CNTNAP2: variants seen among roughly 807,000 people sequenced by gnomAD.
CNTNAP2 encodes contactin associated protein 2.
CNTNAP2 carries 98 observed loss-of-function variants against 155.2 expected under a neutral mutation model. The observed-to-expected ratio is 0.63, with a 90% CI of 0.54 to 0.75. CNTNAP2 has a LOEUF of 0.75. Among genes scored for constraint, CNTNAP2 ranks in the 30% least tolerant of loss-of-function variants. The probability of loss-of-function intolerance (pLI) is 0.00; values close to 1 mark genes in which losing one functional copy is unlikely to be tolerated. For synonymous variants in CNTNAP2, 651 were observed against 631.2 expected (o/e 1.03, Z -0.47); for missense variants, 1,727 against 1,688.1 (o/e 1.02, Z -0.40).
chr7:146,686,159 AG>A (rs1474839310), intron 1 of CNTNAP2, among the ~76,000 whole-genome samples: 1 of 152,044 alleles, frequency 6.6e-6, no homozygotes, highest in African/African-American at 2.4e-5. Context: ...AAAATTACCC[AG>A]GAGTGGTGGC....
At chr7:146,499,638 G>C (rs566871078) in intron 1 of CNTNAP2, among the ~76,000 whole-genome samples, 2 of 150,510 alleles carry the variant, frequency 1.3e-5, no homozygotes, top group South Asian at 4.2e-4. Flanking sequence ...TCCCCTCCCT[G>C]TGCCCATATA....
chr7:146,653,846 G>A (rs1258850871), intron 1 of CNTNAP2, among the ~76,000 whole-genome samples: 1 of 152,084 alleles, frequency 6.6e-6, no homozygotes, highest in Non-Finnish European at 1.5e-5. Context: ...CAGAAGAAGA[G>A]AAGGAAGAAG....
chr7:148,036,551 C>T (rs1802577085), intron 15 of CNTNAP2, among the ~76,000 whole-genome samples: 1 of 152,068 alleles, frequency 6.6e-6, no homozygotes, highest in Admixed American at 6.6e-5. Context: ...CAAGAAGGCC[C>T]TCACAAGACA....
chr7:147,627,676 A>G (rs1795008284), intron 12 of CNTNAP2, among the ~76,000 whole-genome samples: 1 of 127,554 alleles, frequency 7.8e-6, no homozygotes, highest in Non-Finnish European at 1.5e-5. Flanking sequence ...TGGGGGACAG[A>G]GCGAGACTCT....
At chr7:147,840,371 C>T (rs13243566) in intron 13 of CNTNAP2, among the ~76,000 whole-genome samples, 10,789 of 151,974 alleles carry the variant, frequency 0.071, 423 homozygotes, top group East Asian at 0.15. Flanking sequence ...AAATATCTCC[C>T]CTGGAATGCA....
At chr7:146,820,781 T>C (rs531560261) in intron 2 of CNTNAP2, among the ~76,000 whole-genome samples, 1 of 152,280 alleles carries the variant, frequency 6.6e-6, no homozygotes, top group African/African-American at 2.4e-5. Flanking sequence ...AAGTCTCCCA[T>C]TATTATTGTG....
chr7:147,425,136 T>A (rs758322472), intron 10 of CNTNAP2, among the ~76,000 whole-genome samples: 2 of 58,450 alleles, frequency 3.4e-5, no homozygotes, highest in Admixed American at 1.9e-4. Context: ...GCAAGTGGAA[T>A]TTTTTTTTTT....
At chr7:147,409,563 A>C (rs1245098041) in intron 10 of CNTNAP2, among the ~76,000 whole-genome samples, 1 of 152,206 alleles carries the variant, frequency 6.6e-6, no homozygotes, top group Non-Finnish European at 1.5e-5. Flanking sequence ...ATGAAATTAA[A>C]CTAAGGATCC....
intron 2 of CNTNAP2, among the ~76,000 whole-genome samples, chr7:146,838,234 C>T (rs1803654441): frequency 6.6e-6 from 1 of 152,174 alleles, no homozygotes; most frequent in Non-Finnish European, 1.5e-5. Context: ...TGGCAGGGCT[C>T]ACCTTATTTG....
intron 1 of CNTNAP2, among the ~76,000 whole-genome samples, chr7:146,265,955 C>A (rs970554869): frequency 9.9e-5 from 15 of 151,716 alleles, no homozygotes; most frequent in Admixed American, 7.9e-4. Flanking sequence ...TTGAGAAGAC[C>A]ATGGAAGCCT....
intron 10 of CNTNAP2, among the ~76,000 whole-genome samples, chr7:147,412,606 C>T (rs13222223): frequency 0.18 from 26,631 of 151,952 alleles, 2,955 homozygotes; most frequent in Non-Finnish European, 0.25. Context: ...GTGCTTGATA[C>T]GCAATATGTT....
chr7:146,641,716 T>C (rs1448328854), intron 1 of CNTNAP2, among the ~76,000 whole-genome samples: 1 of 152,188 alleles, frequency 6.6e-6, no homozygotes, highest in Non-Finnish European at 1.5e-5. Flanking sequence ...TGCAGGTGTT[T>C]CGGAGGAGAG....
intron 3 of CNTNAP2, among the ~76,000 whole-genome samples, chr7:147,001,535 G>A (rs1175991648): frequency 6.6e-6 from 1 of 152,010 alleles, no homozygotes; most frequent in Non-Finnish European, 1.5e-5. Flanking sequence ...AGAAGGCTTG[G>A]TGCTGGGCAT....
At chr7:148,010,484 T>G (rs1285640094) in intron 15 of CNTNAP2, among the ~76,000 whole-genome samples, 4 of 151,860 alleles carry the variant, frequency 2.6e-5, no homozygotes, top group African/African-American at 9.7e-5. Flanking sequence ...TTTTAAAAGT[T>G]TTAACCGTTT....
chr7:147,360,934 T>C (rs1796138077), intron 9 of CNTNAP2, among the ~76,000 whole-genome samples: 1 of 152,112 alleles, frequency 6.6e-6, no homozygotes, highest in South Asian at 2.1e-4. Context: ...ATGGGTTGGA[T>C]TCATCCATTA....
intron 9 of CNTNAP2, among the ~76,000 whole-genome samples, chr7:147,300,515 A>G (rs1794928582): frequency 6.6e-6 from 1 of 152,214 alleles, no homozygotes; most frequent in Non-Finnish European, 1.5e-5. Flanking sequence ...GGCCTAATTT[A>G]AATCATTGAA....
intron 1 of CNTNAP2, among the ~76,000 whole-genome samples, chr7:146,722,285 T>C (rs1801351986): frequency 6.6e-6 from 1 of 152,198 alleles, no homozygotes; most frequent in African/African-American, 2.4e-5. Flanking sequence ...GAACCCTGTA[T>C]TGGGTGACCA....
Position 147,457,143 on chromosome 7 carries a change from T to C in CNTNAP2, c.1671-28792T>C, listed in dbSNP as rs530270170. Among the ~76,000 whole-genome samples, 15 of 152,242 alleles carry C rather than the reference T, an allele frequency of 9.9e-5. 1 individual carries two copies. The highest frequency in any genetic ancestry group is 3.4e-3 in the Middle Eastern group (1 of 294). On this transcript the variant is annotated intron_variant, in intron 10 of 23. Coordinates refer to ENST00000361727, the MANE Select transcript of CNTNAP2 (RefSeq NM_014141.6). The stretch of plus-strand genomic sequence containing the variant: ...TTCCAAAAAGCCAAATATAAATGCC[T>C]TTCATTTCACTGTGTCATGCTGAGA...
At chr7:147,756,236 A>C (rs980598846) in intron 13 of CNTNAP2, among the ~76,000 whole-genome samples, 1 of 152,236 alleles carries the variant, frequency 6.6e-6, no homozygotes, top group Non-Finnish European at 1.5e-5. Context: ...AAACCTGTCT[A>C]AACATATGGA....
Sources: gnomAD v4.1 joint callset for allele counts (sites outside exome capture counted in the v4.1 genomes callset) on GRCh38, gnomAD v4.1.1 for gene constraint, MANE v1.5 for transcripts, NCBI Gene and HGNC (gene_info 2026-07-23, HGNC 2026-07-21) for gene names.